COBLL1: variants seen among roughly 807,000 people sequenced by gnomAD.
COBLL1 encodes the protein cordon-bleu protein-like 1.
COBLL1 carries 50 observed loss-of-function variants against 94.8 expected under a neutral mutation model. The ratio of observed to expected loss-of-function variants is 0.53; its 90% CI spans 0.42 to 0.67. COBLL1 has a LOEUF of 0.67. Ranked by LOEUF, COBLL1 falls within the 30% of genes least tolerant of loss-of-function variation. The pLI is 0.00. For missense variants in COBLL1, 1,362 were observed against 1,348.7 expected, an observed-to-expected ratio of 1.01 and a Z score of -0.15; for synonymous variants, 448 against 473.8, an observed-to-expected ratio of 0.95 and a Z score of 0.71.
chr2:164,827,343 T>G (rs1685485921), intron 2 of COBLL1, among the ~76,000 whole-genome samples: 1 of 152,234 alleles, frequency 6.6e-6, no homozygotes, highest in South Asian at 2.1e-4. Flanking sequence ...CAAAAACATT[T>G]ATTTTTTTAA....
intron 2 of COBLL1, chr2:164,779,685 T>C (rs1166163888): frequency 8.5e-6 from 4 of 470,916 alleles, no homozygotes; most frequent in Non-Finnish European, 1.8e-5. Flanking sequence ...TCTGAGTCTC[T>C]CGACCAAAAA....
intron 2 of COBLL1, among the ~76,000 whole-genome samples, chr2:164,826,272 T>G (rs1225857888): frequency 6.6e-6 from 1 of 152,244 alleles, no homozygotes; most frequent in Non-Finnish European, 1.5e-5. Context: ...GTACACATTT[T>G]GCATTCAATG....
chr2:164,818,933 C>CT (rs1269236976), intron 2 of COBLL1, among the ~76,000 whole-genome samples: 1,590 of 148,220 alleles, frequency 0.011, 7 homozygotes, highest in African/African-American at 0.026. Flanking sequence ...CCAAGCCCGG[C>CT]TTTTTTTTTT....
At chr2:164,805,778 AG>A (rs1684124885) in intron 2 of COBLL1, among the ~76,000 whole-genome samples, 1 of 152,178 alleles carries the variant, frequency 6.6e-6, no homozygotes, top group Non-Finnish European at 1.5e-5. Context: ...TTATGAATAA[AG>A]CTGCCATAAA....
chr2:164,733,003 C>T (rs1686099431), intron 3 of COBLL1, among the ~76,000 whole-genome samples: 1 of 152,054 alleles, frequency 6.6e-6, no homozygotes, highest in African/African-American at 2.4e-5. Context: ...TGCAGTGAGC[C>T]GAGATCACGC....
intron 2 of COBLL1, among the ~76,000 whole-genome samples, chr2:164,747,274 T>C (rs1424101060): frequency 6.6e-6 from 1 of 152,190 alleles, no homozygotes; most frequent in Non-Finnish European, 1.5e-5. Context: ...AAGGGATAAC[T>C]GACAACTTTG....
chr2:164,804,375 A>T (rs948626498), intron 2 of COBLL1, among the ~76,000 whole-genome samples: 1 of 152,180 alleles, frequency 6.6e-6, no homozygotes, highest in Non-Finnish European at 1.5e-5. Context: ...TGCTTTTTTT[A>T]AAAATGAAAA....
intron 2 of COBLL1, among the ~76,000 whole-genome samples, chr2:164,762,918 T>C (rs1687754066): frequency 6.6e-6 from 1 of 152,062 alleles, no homozygotes; most frequent in Non-Finnish European, 1.5e-5. Context: ...GGATGGTCTC[T>C]ATCTCTTGAC....
Position 164,763,750 on chromosome 2 carries a change from G to A in COBLL1, c.42-19875C>T, listed in dbSNP as rs77944078. 5.2e-3 allele frequency among the ~76,000 whole-genome samples: 793 copies of A among 152,182 alleles called. 12 individuals carry two copies. The highest frequency in any genetic ancestry group is 0.018 in the African/African-American group (732 of 41,512). On this transcript the variant is annotated intron_variant, in intron 2 of 13. Coordinates refer to ENST00000652658, the MANE Select transcript of COBLL1 (RefSeq NM_001365672.2). The stretch of plus-strand genomic sequence containing the variant: ...TATCTTTCGATAAAAAGTAGATGGG[G>A]TTCTATATGGAATATAATAGAAACA...
rs565355323 is a variant in COBLL1 at position 164,711,011 on chromosome 2, AG to A, written c.997-5907del. 9.2e-5 allele frequency among the ~76,000 whole-genome samples: 14 copies of A among 152,268 alleles called. No individual in the cohort carries two copies. In the South Asian group the frequency reaches 2.7e-3, roughly 29 times the overall value. ...TTTGTCTAGTTGGAGAGAGGCTTAC[AG>A]AGAGTTTGCAAGGTAGAAGGCGACC... is the stretch of plus-strand genomic sequence containing the variant. On this transcript the variant is annotated intron_variant, in intron 7 of 13. Coordinates refer to ENST00000652658, the MANE Select transcript of COBLL1 (RefSeq NM_001365672.2).
chr2:164,712,689 C>T (rs569747194), intron 7 of COBLL1, among the ~76,000 whole-genome samples: 1 of 151,920 alleles, frequency 6.6e-6, no homozygotes, highest in Admixed American at 6.6e-5. Context: ...ATTATTATTA[C>T]ACTATAATAA....
intron 13 of COBLL1, among the ~76,000 whole-genome samples, chr2:164,690,429 C>G (rs746363568): frequency 3.9e-5 from 6 of 151,984 alleles, no homozygotes; most frequent in Non-Finnish European, 8.8e-5. Flanking sequence ...ATTTATTGCC[C>G]GCTTTTTATG....
At chr2:164,769,627 G>A (rs985966569) in intron 2 of COBLL1, among the ~76,000 whole-genome samples, 1 of 152,184 alleles carries the variant, frequency 6.6e-6, no homozygotes, top group Non-Finnish European at 1.5e-5. Context: ...GGGTGGCCAA[G>A]GGAGACAGAT....
intron 2 of COBLL1, among the ~76,000 whole-genome samples, chr2:164,756,715 C>T (rs562265117): frequency 1.6e-4 from 25 of 151,992 alleles, no homozygotes; most frequent in African/African-American, 6.0e-4. Flanking sequence ...GTGTAATCTT[C>T]CAGTGACAAC....
chr2:164,841,944 C>A, upstream of COBLL1: 1 of 1,533,290 alleles, frequency 6.5e-7, no homozygotes, highest in Admixed American at 2.0e-5. This position sits in a 1 kb window ranked among gnomAD's most constrained non-coding sequence, Gnocchi z 5.5. Flanking sequence ...CTGGAGCCCG[C>A]TCTCTCACTC....
At chr2:164,769,357 G>C (rs1688088853) in intron 2 of COBLL1, among the ~76,000 whole-genome samples, 1 of 152,136 alleles carries the variant, frequency 6.6e-6, no homozygotes, top group African/African-American at 2.4e-5. Flanking sequence ...CTGTAGGGTT[G>C]CTAAACATCT....
In COBLL1 at chr2:164,709,245, T is replaced by C. The variant is rs73968229; in HGVS notation, c.997-4140A>G. On this transcript the variant is annotated intron_variant, in intron 7 of 13. Coordinates refer to ENST00000652658, the MANE Select transcript of COBLL1 (RefSeq NM_001365672.2). ...AATGCTAAATTTTTTTCAACAGCATTTATGAAGATAACTGGGGGAAATGCA... is the reference window on the plus strand; with the variant it reads ...AATGCTAAATTTTTTTCAACAGCATCTATGAAGATAACTGGGGGAAATGCA... Among the ~76,000 whole-genome samples the C allele has an allele frequency of 2.8e-3, 429 of 152,212 alleles. 2 individuals carry two copies. Among genetic ancestry groups the C allele is most frequent in the African/African-American group, 9.8e-3 (407 of 41,534 alleles).
Position 164,722,202 on chromosome 2 carries a change from G to A in COBLL1, c.869C>T (p.Pro290Leu), listed in dbSNP as rs1685482501. Reference sequence around the variant, plus strand: ...GGGCAGTGGAGCCCGCCTCTTCTTGGGTGCATCCGACGGCAGGGTGTTGGA... The same window carrying A: ...GGGCAGTGGAGCCCGCCTCTTCTTGAGTGCATCCGACGGCAGGGTGTTGGA... The part of the protein sequence containing the change: ...YISNTLPSDA[P>L]KKRRAPLPPM... The change falls in exon 7 of 14, where the codon CCC becomes CTC. Residue 290 changes from proline (P) to leucine (L), a missense_variant. Transcript: ENST00000652658. 6.2e-7 allele frequency: 1 copy of A among 1,614,060 alleles called. No homozygotes were observed.
At chr2:164,742,853 G>A (rs753174879) in intron 3 of COBLL1, among the ~76,000 whole-genome samples, 2 of 151,880 alleles carry the variant, frequency 1.3e-5, no homozygotes, top group Non-Finnish European at 2.9e-5. Context: ...CACACACACA[G>A]AGAAAGAGAG....
Sources: gnomAD v4.1 joint callset for allele counts (sites outside exome capture counted in the v4.1 genomes callset) on GRCh38, gnomAD v4.1.1 for gene constraint, Gnocchi (gnomAD v3.1) non-coding constraint, MANE v1.5 for transcripts, NCBI Gene and HGNC (gene_info 2026-07-23, HGNC 2026-07-21) for gene names.